The following RNF152 variants were observed in gnomAD, a reference collection of about 807,000 sequenced individuals.
RNF152 encodes E3 ubiquitin-protein ligase RNF152.
A neutral mutation model predicts 12.7 loss-of-function variants in RNF152; 11 were observed. The ratio of observed to expected loss-of-function variants is 0.86; its 90% CI spans 0.54 to 1.43. The LOEUF (loss-of-function observed/expected upper bound fraction) is 1.43. Ranked by LOEUF, RNF152 falls within the 40% of genes most tolerant of loss-of-function variation. The probability of loss-of-function intolerance (pLI) is 0.00; values close to 1 mark genes in which losing one functional copy is unlikely to be tolerated. For missense variants in RNF152, 255 were observed against 274.8 expected, an observed-to-expected ratio of 0.93 and a Z score of 0.51; for synonymous variants, 113 against 120.3, an observed-to-expected ratio of 0.94 and a Z score of 0.40.
intron 1 of RNF152, among the ~76,000 whole-genome samples, chr18:61,818,487 C>G (rs1909223874): frequency 6.6e-6 from 1 of 151,838 alleles, no homozygotes; most frequent in Admixed American, 6.6e-5. Flanking sequence ...ACAAAAATAA[C>G]CACTGTTAAA....
At chr18:61,882,429 C>T (rs937983467) in intron 1 of RNF152, among the ~76,000 whole-genome samples, 6 of 152,314 alleles carry the variant, frequency 3.9e-5, no homozygotes, top group African/African-American at 1.4e-4. Flanking sequence ...AACACAGTAT[C>T]TTGGTGTGCA....
chr18:61,878,983 TG>T (rs924750036), intron 1 of RNF152, among the ~76,000 whole-genome samples: 3 of 152,106 alleles, frequency 2.0e-5, no homozygotes, highest in Non-Finnish European at 4.4e-5. Context: ...ACAGGGTAAG[TG>T]GGATTAGAAA....
chr18:61,832,578 A>G (rs1285023403), intron 1 of RNF152, among the ~76,000 whole-genome samples: 1 of 152,200 alleles, frequency 6.6e-6, no homozygotes, highest in African/African-American at 2.4e-5. Context: ...AAAATTCTCA[A>G]TAACTTATCT....
intron 1 of RNF152, among the ~76,000 whole-genome samples, chr18:61,817,673 T>C (rs1909176820): frequency 6.6e-6 from 1 of 151,538 alleles, no homozygotes; most frequent in African/African-American, 2.4e-5. Context: ...GAACCATTAA[T>C]TCACTAATTG....
At chr18:61,831,033 T>G (rs1909916304) in intron 1 of RNF152, among the ~76,000 whole-genome samples, 1 of 152,212 alleles carries the variant, frequency 6.6e-6, no homozygotes, top group African/African-American at 2.4e-5. Context: ...AATAAAGAAA[T>G]AGGTATTTCC....
intron 1 of RNF152, among the ~76,000 whole-genome samples, chr18:61,861,361 T>A (rs918850788): frequency 6.6e-6 from 1 of 152,238 alleles, no homozygotes; most frequent in Non-Finnish European, 1.5e-5. Context: ...GTGTTACAAT[T>A]GCTTGCAGTA....
chr18:61,868,140 AC>A (rs1186717035), intron 1 of RNF152, among the ~76,000 whole-genome samples: 1 of 152,210 alleles, frequency 6.6e-6, no homozygotes, highest in Non-Finnish European at 1.5e-5. Context: ...CGTAGCCAGC[AC>A]AGGCATTCAG....
At chr18:61,841,165 C>T (rs1910438774) in intron 1 of RNF152, among the ~76,000 whole-genome samples, 1 of 152,312 alleles carries the variant, frequency 6.6e-6, no homozygotes, top group South Asian at 2.1e-4. Flanking sequence ...GGGTTCCATA[C>T]ATGATAGAAG....
chr18:61,882,797 G>C (rs1302499133), intron 1 of RNF152, among the ~76,000 whole-genome samples: 2 of 152,098 alleles, frequency 1.3e-5, no homozygotes, highest in African/African-American at 4.8e-5. Flanking sequence ...TGGTATTACA[G>C]ACTCATCACG....
Position 61,816,122 on chromosome 18 carries a change from G to A in RNF152, c.342C>T (p.Pro114=), listed in dbSNP as rs199853701. ...GCAGCAGGCGGCAGCCCATGTCTCC[G>A]GGCAGCAGCGCACGCTCCTTGGAGA... is the stretch of plus-strand genomic sequence containing the variant. ...LPISKERALL[P]GDMGCRLLPG... The change falls in exon 2 of 2, where the codon CCC becomes CCT. Residue 114 remains proline (P), a synonymous_variant. Transcript: ENST00000312828. The A allele has an allele frequency of 8.0e-5, 129 of 1,614,190 alleles. No homozygotes were observed. The highest frequency in any genetic ancestry group is 5.0e-4 in the Middle Eastern group (3 of 6,060).
chr18:61,839,216 A>T (rs1910332184), intron 1 of RNF152, among the ~76,000 whole-genome samples: 1 of 152,172 alleles, frequency 6.6e-6, no homozygotes. Flanking sequence ...ACTACCTCAG[A>T]TCTCATCCAC....
At chr18:61,882,870 C>A (rs1157823360) in intron 1 of RNF152, among the ~76,000 whole-genome samples, 3 of 152,214 alleles carry the variant, frequency 2.0e-5, no homozygotes, top group African/African-American at 7.2e-5. Flanking sequence ...CCCCCCTCCA[C>A]CCAACCCACA....
upstream of RNF152, chr18:61,894,293 G>C (rs1478559388): frequency 3.3e-5 from 5 of 150,734 alleles, no homozygotes; most frequent in Admixed American, 6.6e-5. The surrounding 1 kb of genome is among the most constrained non-coding windows in gnomAD (Gnocchi z 4.9). Flanking sequence ...CGAGAGCCAC[G>C]GGGCGGACGC....
intron 1 of RNF152, among the ~76,000 whole-genome samples, chr18:61,871,033 G>A (rs1473154665): frequency 2.6e-5 from 4 of 152,112 alleles, no homozygotes; most frequent in Non-Finnish European, 5.9e-5. Flanking sequence ...GCTGTTACTA[G>A]AATTCACTAG....
intron 1 of RNF152, among the ~76,000 whole-genome samples, chr18:61,820,339 A>C (rs1263261273): frequency 6.3e-4 from 91 of 145,194 alleles, no homozygotes; most frequent in African/African-American, 9.3e-4. Flanking sequence ...ACCAAAAAAA[A>C]AAAAAAAAAA....
intron 1 of RNF152, among the ~76,000 whole-genome samples, chr18:61,880,849 A>C (rs1912429911): frequency 6.6e-6 from 1 of 150,936 alleles, no homozygotes; most frequent in Admixed American, 6.6e-5. Flanking sequence ...ACAATTCTTT[A>C]CCCTTATTCT....
intron 1 of RNF152, among the ~76,000 whole-genome samples, chr18:61,862,686 T>C (rs1911544042): frequency 6.6e-6 from 1 of 152,148 alleles, no homozygotes; most frequent in Admixed American, 6.5e-5. Context: ...TCTTCATCGG[T>C]ATCCTTTGCA....
rs919268819 is a variant in RNF152, at chr18:61,811,827, G to A, written c.*4025C>T. On this transcript the variant is annotated 3_prime_UTR_variant, in exon 2 of 2. Coordinates refer to ENST00000312828, the MANE Select transcript of RNF152 (RefSeq NM_173557.3). ...ATCATGCATAGCTTGCAAGTCAAAC[G>A]TTTTACAGGTACTGTCTAACTACTA... 2 of 152,066 alleles carry A rather than the reference G, an allele frequency of 1.3e-5. No homozygotes were observed. Among genetic ancestry groups the A allele is most frequent in the African/African-American group, 2.4e-5 (1 of 41,394 alleles). The allele number at this position is 152,066 out of a possible 1,614,324, so 9.4% of individuals were successfully genotyped here.
intron 1 of RNF152, among the ~76,000 whole-genome samples, chr18:61,886,851 T>C (rs1013441129): frequency 1.3e-5 from 2 of 152,234 alleles, no homozygotes; most frequent in African/African-American, 4.8e-5. Context: ...GTAGAATGAA[T>C]GAATGAATGT....
Sources: allele counts gnomAD v4.1 joint callset (sites outside exome capture counted in the v4.1 genomes callset), GRCh38; gene constraint gnomAD v4.1.1; non-coding constraint Gnocchi (gnomAD v3.1); transcripts MANE v1.5; gene names NCBI Gene and HGNC (gene_info 2026-07-23, HGNC 2026-07-21).